CRYBG2: variants seen among roughly 807,000 people sequenced by gnomAD.
CRYBG2 encodes beta/gamma crystallin domain-containing protein 2.
A neutral mutation model predicts 153.4 loss-of-function variants in CRYBG2; 106 were observed. The observed-to-expected ratio is 0.69, with a 90% CI of 0.59 to 0.81. CRYBG2 has a LOEUF of 0.81. Ranked by LOEUF, CRYBG2 falls within the 30% of genes least tolerant of loss-of-function variation. CRYBG2 has a pLI of 0.00. For synonymous variants in CRYBG2, 851 were observed against 877.8 expected (o/e 0.97, Z 0.54); for missense variants, 1,996 against 2,112.0 (o/e 0.95, Z 1.08).
chr1:26,327,872 G>A (rs1352076633), intron 17 of CRYBG2, among the ~76,000 whole-genome samples: 3 of 151,432 alleles, frequency 2.0e-5, no homozygotes, highest in Admixed American at 6.6e-5. Context: ...ACTTAAACCC[G>A]GGAGGTGGAG....
chr1:26,354,042 TCA>T lies in CRYBG2; in HGVS notation c.-64_-63del, dbSNP rs2074311958. 5.0e-6 allele frequency: 2 copies of T among 399,460 alleles called. No homozygotes were observed. The highest frequency in any genetic ancestry group is 8.8e-6 in the Non-Finnish European group (2 of 226,454). The allele number at this position is 399,460 out of a possible 1,614,324, so 24.7% of individuals were successfully genotyped here. A position where few individuals can be genotyped will look rare whatever the true frequency, so the allele number is the denominator to read the frequency against. On this transcript the variant is annotated 5_prime_UTR_variant, in exon 1 of 20. Transcript: ENST00000308182. ...TCTCCACACACAGACCGACCTCTAC[TCA>T]CAGTCTGCGTGGGGACCCAGGTGTC...
rs1178455610 is a variant in CRYBG2, at chr1:26,328,231, C to A, written c.4556G>T (p.Gly1519Val). Residue 1519 changes from glycine (G) to valine (V), a missense_variant, in exon 17 of 20, where the codon GGC becomes GTC. By Grantham distance (109) the Gly-to-Val change is moderately radical. Coordinates refer to ENST00000308182, the MANE Select transcript of CRYBG2 (RefSeq NM_001039775.4). ...WLTYSGTQRVGSLYPIKQRRV... is the reference protein window; with the variant it reads ...WLTYSGTQRVVSLYPIKQRRV... ...CACCTGCTTGATGGGGTAGAGGGAG[C>A]CCACCCTCTGGGTGCCGCTGTAGGT... The A allele has an allele frequency of 1.3e-6, 2 of 1,565,082 alleles. No individual in the cohort carries two copies. The highest frequency in any genetic ancestry group is 2.4e-5 in the South Asian group (2 of 85,052).
At position 26,346,372 on chromosome 1, in the gene CRYBG2, T is replaced by C. The variant is rs754290285; in HGVS notation, c.286A>G (p.Ile96Val). The change falls in exon 2 of 20, where the codon ATC (isoleucine) becomes GTC (valine). Residue 96 changes from isoleucine to valine, a missense_variant. Physicochemically the swap from Ile to Val is conservative, Grantham distance 29. Transcript: ENST00000308182. This position sits in a 1 kb window ranked among gnomAD's most constrained non-coding sequence, Gnocchi z 4.9. ...GGTGGTATGTACTTCTTGGAAAAGA[T>C]GGGTCCATGGCTCTGGAAGTTCTTG... ...GSKNFQSHGP[I>V]FSKKYIPPPK... 2 of 1,599,458 alleles carry C rather than the reference T, an allele frequency of 1.3e-6. No individual in the cohort carries two copies. Among genetic ancestry groups the C allele is most frequent in the South Asian group, 2.2e-5 (2 of 91,042 alleles).
intron 1 of CRYBG2, among the ~76,000 whole-genome samples, chr1:26,349,809 CTTTTTTTTTTTT>C (rs57826673): frequency 2.8e-5 from 2 of 70,666 alleles, no homozygotes; most frequent in Admixed American, 3.5e-4. Flanking sequence ...GGACTAGAGG[CTTTTTTTTTTTT>C]TTTTTTTTTT....
In CRYBG2 at chr1:26,339,280, C is replaced by A. The variant is rs757607022; in HGVS notation, c.3344+10G>T. ...TCAAATGAGGGGATTCTAGAATAGA[C>A]CAGACTCACAGTCCTGCAGAGACGG... On this transcript the variant is annotated intron_variant, in intron 6 of 19. Transcript: ENST00000308182. The A allele has an allele frequency of 3.7e-6, 6 of 1,610,768 alleles. No individual in the cohort carries two copies. The South Asian group carries it at 6.6e-5, about 18-fold the overall frequency.
rs545628615 is a variant in CRYBG2 at position 26,325,452 on chromosome 1, C to T, written c.4579-1142G>A. Among the ~76,000 whole-genome samples, 2 of 152,012 alleles carry T rather than the reference C, an allele frequency of 1.3e-5. No homozygotes were observed. The highest frequency in any genetic ancestry group is 2.1e-4 in the South Asian group (1 of 4,830). ...GCACACGCCTGTAATCACAGCTACTCGGGAGGCTGAGGCAGGAGAATCGCT... is the reference window on the plus strand; with the variant it reads ...GCACACGCCTGTAATCACAGCTACTTGGGAGGCTGAGGCAGGAGAATCGCT... On this transcript the variant is annotated intron_variant, in intron 17 of 19. Transcript: ENST00000308182. The surrounding 1 kb of genome is among the most constrained non-coding windows in gnomAD (Gnocchi z 4.1).
At chr1:26,332,322 A>G (rs1171930208) in intron 14 of CRYBG2, among the ~76,000 whole-genome samples, 1 of 151,220 alleles carries the variant, frequency 6.6e-6, no homozygotes, top group Non-Finnish European at 1.5e-5. Flanking sequence ...AAAAAAAAAA[A>G]AAGAAAGAAA....
Position 26,344,447 on chromosome 1 carries a change from C to G in CRYBG2, c.2211G>C (p.Gln737His). 6.6e-7 allele frequency: 1 copy of G among 1,526,522 alleles called. No individual in the cohort carries two copies. Among genetic ancestry groups the G allele is most frequent in the Non-Finnish European group, 8.8e-7 (1 of 1,133,780 alleles). 94.6% of individuals were successfully genotyped at this position (1,526,522 alleles called of 1,614,324 possible). A position where few individuals can be genotyped will look rare whatever the true frequency, so the allele number is the denominator to read the frequency against. The change falls in exon 2 of 20, where the codon CAG (glutamine) becomes CAC (histidine). Residue 737 changes from glutamine to histidine, a missense_variant. Coordinates refer to ENST00000308182, the MANE Select transcript of CRYBG2 (RefSeq NM_001039775.4). Reference protein sequence around the residue: ...PTGAEASTESQLVSDPTEGKT... With the variant: ...PTGAEASTESHLVSDPTEGKT... Reference sequence around the variant, plus strand: ...TGCCCTCGGTGGGATCAGAGACAAGCTGGGACTCCGTGCTGGCCTCTGCTC... The same window carrying G: ...TGCCCTCGGTGGGATCAGAGACAAGGTGGGACTCCGTGCTGGCCTCTGCTC...
At position 26,342,775 on chromosome 1, in the gene CRYBG2, G is replaced by C. The variant is rs2074147143; in HGVS notation, c.3183C>G (p.Gly1061=). 1 of 1,613,948 alleles carries C rather than the reference G, an allele frequency of 6.2e-7. No homozygotes were observed. Among genetic ancestry groups the C allele is most frequent in the Non-Finnish European group, 8.5e-7 (1 of 1,180,006 alleles). ...TCACCCAGACAACCCTCCTTAGGGA[G>C]CCGATGCCTTGGGGACTCCACTTTG... ...PGTKWSPQGI[G]SLRRVVWDYS... The change falls in exon 5 of 20, where the codon GGC becomes GGG. Residue 1061 remains glycine (G), a synonymous_variant. Coordinates refer to ENST00000308182, the MANE Select transcript of CRYBG2 (RefSeq NM_001039775.4).
intron 15 of CRYBG2, among the ~76,000 whole-genome samples, chr1:26,329,103 C>T (rs1432209535): frequency 6.6e-6 from 1 of 151,434 alleles, no homozygotes; most frequent in Non-Finnish European, 1.5e-5. Context: ...ACCTCCTCTC[C>T]AGTAAATAGC....
intron 15 of CRYBG2, among the ~76,000 whole-genome samples, chr1:26,330,288 A>G (rs553801183): frequency 6.6e-6 from 1 of 152,210 alleles, no homozygotes; most frequent in Non-Finnish European, 1.5e-5. Context: ...GAGAGGGTAA[A>G]TCGCTTGCTC....
At position 26,326,699 on chromosome 1, in the gene CRYBG2, T is replaced by C. The variant is rs1486936263; in HGVS notation, c.4578+1510A>G. ...AGAGGCACTGAGAATGTTCCAGCAT[T>C]TGACATATTGTCATAGGCTTTCCTA... On this transcript the variant is annotated intron_variant, in intron 17 of 19. Transcript: ENST00000308182. The C allele has an allele frequency of 1.0e-5, 3 of 295,894 alleles. No homozygotes were observed. In the Admixed American group the frequency reaches 1.1e-4, roughly 11 times the overall value. The allele number at this position is 295,894 out of a possible 1,614,324, so 18.3% of individuals were successfully genotyped here. A position where few individuals can be genotyped will look rare whatever the true frequency, so the allele number is the denominator to read the frequency against.
In CRYBG2 at chr1:26,337,631, T is replaced by C; in HGVS notation, c.3551A>G (p.Glu1184Gly). The change falls in exon 9 of 20, where the codon GAA becomes GGA. Residue 1184 changes from glutamate to glycine, a missense_variant. Coordinates refer to ENST00000308182, the MANE Select transcript of CRYBG2 (RefSeq NM_001039775.4). ...EAPGFQGRSW[E>G]VSRDIYNLQQ... ...AAGGTTGTAGATGTCTCGGCTCACTTCCCAGCTGCGGCCCTGAAAGCCTGG... is the reference window on the plus strand; with the variant it reads ...AAGGTTGTAGATGTCTCGGCTCACTCCCCAGCTGCGGCCCTGAAAGCCTGG... 6.2e-7 allele frequency: 1 copy of C among 1,612,918 alleles called. No individual in the cohort carries two copies. The highest frequency in any genetic ancestry group is 8.5e-7 in the Non-Finnish European group (1 of 1,179,900).
chr1:26,335,345 C>T (rs151151949), intron 14 of CRYBG2, among the ~76,000 whole-genome samples: 2,228 of 152,076 alleles, frequency 0.015, 51 homozygotes, highest in African/African-American at 0.051. Context: ...GCTTGGTGGC[C>T]CATGCCTATA....
Position 26,345,640 on chromosome 1 carries a change from G to C in CRYBG2, c.1018C>G (p.Leu340Val), listed in dbSNP as rs551025425. ...QVLGAPSSTELPLQTSQGQAS... is the reference protein window; with the variant it reads ...QVLGAPSSTEVPLQTSQGQAS... ...TGACCCTGAGAAGTCTGGAGAGGGA[G>C]CTCAGTGGAACTGGGGGCTCCCAGC... The change falls in exon 2 of 20, where the codon CTC (leucine) becomes GTC (valine). Residue 340 changes from leucine to valine, a missense_variant. Coordinates refer to ENST00000308182, the MANE Select transcript of CRYBG2 (RefSeq NM_001039775.4). 1 of 1,599,118 alleles carries C rather than the reference G, an allele frequency of 6.3e-7. No homozygotes were observed. Among genetic ancestry groups the C allele is most frequent in the Admixed American group, 1.7e-5 (1 of 60,016 alleles).
rs1423889034 is a variant in CRYBG2, at chr1:26,337,657, G to A, written c.3525C>T (p.Ala1175=). ...PGEPRAVVYE[A]PGFQGRSWEV... Reference sequence around the variant, plus strand: ...CCCAGCTGCGGCCCTGAAAGCCTGGGGCCTCATACACCACAGCCTGGGGGA... The same window carrying A: ...CCCAGCTGCGGCCCTGAAAGCCTGGAGCCTCATACACCACAGCCTGGGGGA... The change falls in exon 9 of 20, where the codon GCC becomes GCT. Residue 1175 remains alanine, a synonymous_variant. Coordinates refer to ENST00000308182, the MANE Select transcript of CRYBG2 (RefSeq NM_001039775.4). 1.9e-6 allele frequency: 3 copies of A among 1,612,156 alleles called. No individual in the cohort carries two copies. Among genetic ancestry groups the A allele is most frequent in the South Asian group, 2.2e-5 (2 of 91,060 alleles).
chr1:26,345,551 A>C lies in CRYBG2; in HGVS notation c.1107T>G (p.Pro369=), dbSNP rs1446982622. Residue 369 remains proline, a synonymous_variant, in exon 2 of 20, where the codon CCT becomes CCG. Coordinates refer to ENST00000308182, the MANE Select transcript of CRYBG2 (RefSeq NM_001039775.4). ...THVPSPGLTH[P]AKQPVVPTHP... ...GAGTGGGCACCACAGGCTGCTTTGC[A>C]GGGTGAGTTAGGCCAGGAGAGGGGA... The C allele has an allele frequency of 1.9e-6, 3 of 1,603,708 alleles. No homozygotes were observed. The highest frequency in any genetic ancestry group is 3.3e-5 in the Admixed American group (2 of 59,730).
intron 14 of CRYBG2, among the ~76,000 whole-genome samples, chr1:26,333,657 C>T (rs2074023746): frequency 6.6e-6 from 1 of 152,086 alleles, no homozygotes; most frequent in Admixed American, 6.6e-5. Context: ...TTCTGCAAGC[C>T]AGGAAGAAAG....
Position 26,345,735 on chromosome 1 carries a change from G to C in CRYBG2, c.923C>G (p.Ala308Gly). 1 of 1,597,094 alleles carries C rather than the reference G, an allele frequency of 6.3e-7. No individual in the cohort carries two copies. Among genetic ancestry groups the C allele is most frequent in the Middle Eastern group, 1.7e-4 (1 of 6,056 alleles). Residue 308 changes from alanine (A) to glycine (G), a missense_variant, in exon 2 of 20, where the codon GCC (alanine) becomes GGC (glycine). Coordinates refer to ENST00000308182, the MANE Select transcript of CRYBG2 (RefSeq NM_001039775.4). ...ASAHLPKNQD[A>G]PAACPDRDQG... The stretch of plus-strand genomic sequence containing the variant: ...GTCTCTGTCCGGACAGGCTGCAGGG[G>C]CATCCTGATTCTTAGGCAGGTGAGC...
Sources: allele counts gnomAD v4.1 joint callset (sites outside exome capture counted in the v4.1 genomes callset), GRCh38; gene constraint gnomAD v4.1.1; non-coding constraint Gnocchi (gnomAD v3.1); transcripts MANE v1.5; gene names NCBI Gene and HGNC (gene_info 2026-07-23, HGNC 2026-07-21).